The following SPAG16 variants were observed in gnomAD, a reference collection of about 807,000 sequenced individuals.
SPAG16 encodes the protein sperm-associated antigen 16 protein.
Under a neutral mutation model 80.4 loss-of-function variants are expected in SPAG16, and 86 were observed. The observed-to-expected ratio is 1.07, with a 90% CI of 0.90 to 1.28. The LOEUF is 1.28. SPAG16 is among the 50% of genes most tolerant of loss of function. The probability of loss-of-function intolerance (pLI) is 0.00; values close to 1 mark genes in which losing one functional copy is unlikely to be tolerated. For missense variants in SPAG16, 870 were observed against 765.3 expected (o/e 1.14, Z -1.61); for synonymous variants, 294 against 265.9 (o/e 1.11, Z -1.03).
At chr2:213,498,615 G>C (rs2074597691) in intron 10 of SPAG16, among the ~76,000 whole-genome samples, 1 of 152,076 alleles carries the variant, frequency 6.6e-6, no homozygotes, top group Non-Finnish European at 1.5e-5. Context: ...AGTACCTCAT[G>C]AAATAGGACA....
intron 9 of SPAG16, among the ~76,000 whole-genome samples, chr2:213,459,357 G>A (rs183474350): frequency 6.6e-6 from 1 of 152,248 alleles, no homozygotes; most frequent in Admixed American, 6.5e-5. Flanking sequence ...GCTAACTTAA[G>A]GCTCAAGAGT....
At chr2:213,749,431 C>T (rs931325474) in intron 10 of SPAG16, among the ~76,000 whole-genome samples, 9 of 152,064 alleles carry the variant, frequency 5.9e-5, no homozygotes, top group African/African-American at 1.9e-4. Context: ...TGAATCTGTG[C>T]TAGGTGGGGT....
chr2:213,300,014 A>AT (rs983743167), intron 3 of SPAG16, among the ~76,000 whole-genome samples: 3 of 152,004 alleles, frequency 2.0e-5, no homozygotes, highest in Admixed American at 2.0e-4. Context: ...TTATAAGTGT[A>AT]TTTTTGCCAT....
chr2:214,319,876 A>T (rs755026874), intron 15 of SPAG16, among the ~76,000 whole-genome samples: 12 of 152,180 alleles, frequency 7.9e-5, no homozygotes, highest in Admixed American at 7.9e-4. Flanking sequence ...AATGAAAACT[A>T]ATTTTGTCAA....
At chr2:213,530,356 G>A (rs1306126704) in intron 10 of SPAG16, among the ~76,000 whole-genome samples, 1 of 152,090 alleles carries the variant, frequency 6.6e-6, no homozygotes, top group Admixed American at 6.6e-5. Context: ...ACATGACTAG[G>A]GAATAGGATT....
chr2:213,867,926 C>CAAAAAAAAAA (rs35795865), intron 11 of SPAG16, among the ~76,000 whole-genome samples: 16 of 45,882 alleles, frequency 3.5e-4, no homozygotes, highest in African/African-American at 4.8e-4. Flanking sequence ...TCTGTCTCAA[C>CAAAAAAAAAA]AAAAAAAAAA....
intron 11 of SPAG16, among the ~76,000 whole-genome samples, chr2:213,883,581 G>A (rs2076433892): frequency 6.6e-6 from 1 of 152,124 alleles, no homozygotes; most frequent in Non-Finnish European, 1.5e-5. Context: ...ATTCTGCCTT[G>A]ATGATCTCTC....
intron 10 of SPAG16, among the ~76,000 whole-genome samples, chr2:213,805,407 G>A (rs2071703918): frequency 1.3e-5 from 2 of 152,118 alleles, no homozygotes; most frequent in South Asian, 4.1e-4. Flanking sequence ...AGAATATGTG[G>A]GCGGTGAAAA....
At chr2:213,892,207 C>T (rs1056829668) in intron 11 of SPAG16, among the ~76,000 whole-genome samples, 1 of 152,018 alleles carries the variant, frequency 6.6e-6, no homozygotes, top group Non-Finnish European at 1.5e-5. Context: ...GGACCTTCTC[C>T]ACTTGGGAAA....
At chr2:213,469,894 A>G (rs527708317) in intron 9 of SPAG16, among the ~76,000 whole-genome samples, 2 of 152,102 alleles carry the variant, frequency 1.3e-5, no homozygotes, top group Non-Finnish European at 2.9e-5. Context: ...CAATCTTAAC[A>G]TCCAGTTTAA....
chr2:213,700,348 T>A (rs1162922498), intron 10 of SPAG16, among the ~76,000 whole-genome samples: 1 of 152,200 alleles, frequency 6.6e-6, no homozygotes, highest in Admixed American at 6.5e-5. Context: ...CACTTTAAAA[T>A]CATCTAATCT....
At chr2:213,385,214 T>C (rs1447653611) in intron 9 of SPAG16, among the ~76,000 whole-genome samples, 1 of 152,176 alleles carries the variant, frequency 6.6e-6, no homozygotes, top group Non-Finnish European at 1.5e-5. Context: ...CTTCTCTGAG[T>C]ATTTAGATCC....
chr2:213,980,710 G>GTATATATA (rs1320481683), intron 12 of SPAG16, among the ~76,000 whole-genome samples: 6 of 117,204 alleles, frequency 5.1e-5, no homozygotes, highest in South Asian at 2.6e-4. Flanking sequence ...GTGTGTGTGT[G>GTATATATA]TGTATATATA....
At chr2:213,453,998 ACT>A (rs1293281172) in intron 9 of SPAG16, among the ~76,000 whole-genome samples, 6 of 152,052 alleles carry the variant, frequency 3.9e-5, no homozygotes, top group African/African-American at 1.4e-4. Context: ...TTTATCTATT[ACT>A]CTCTTTCTTC....
intron 3 of SPAG16, among the ~76,000 whole-genome samples, chr2:213,306,148 A>G (rs898430666): frequency 4.0e-5 from 6 of 151,710 alleles, no homozygotes; most frequent in African/African-American, 1.2e-4. Flanking sequence ...GTAGCCTCCA[A>G]TGATCCTTTA....
At chr2:213,407,828 CAG>C (rs201115397) in intron 9 of SPAG16, among the ~76,000 whole-genome samples, 4,131 of 60,760 alleles carry the variant, frequency 0.068, 265 homozygotes, top group Middle Eastern at 0.15. Context: ...AGGAGAGAGG[CAG>C]AGAGAGAGAG....
chr2:213,702,554 G>A (rs1311263001), intron 10 of SPAG16, among the ~76,000 whole-genome samples: 1 of 152,086 alleles, frequency 6.6e-6, no homozygotes, highest in Non-Finnish European at 1.5e-5. Context: ...CTTGAAGTTG[G>A]CGAGACCAAG....
At chr2:214,059,212 ATATGTATGTG>A (rs1340712259) in intron 13 of SPAG16, among the ~76,000 whole-genome samples, 1 of 93,194 alleles carries the variant, frequency 1.1e-5, no homozygotes, top group Non-Finnish European at 2.1e-5. Context: ...ATATATATAT[ATATGTATGTG>A]TATATATATA....
chr2:214,019,533 G>C (rs1266579543), intron 13 of SPAG16, among the ~76,000 whole-genome samples: 1 of 152,136 alleles, frequency 6.6e-6, no homozygotes, highest in Non-Finnish European at 1.5e-5. Context: ...TTGGCCAAAA[G>C]ATCCAGTAAC....
Sources: allele counts gnomAD v4.1 joint callset (sites outside exome capture counted in the v4.1 genomes callset), GRCh38; gene constraint gnomAD v4.1.1; transcripts MANE v1.5; gene names NCBI Gene and HGNC (gene_info 2026-07-23, HGNC 2026-07-21).